LINGO2: variants seen among roughly 807,000 people sequenced by gnomAD.
LINGO2 encodes leucine rich repeat and Ig domain containing 2, also known as leucine-rich repeat and immunoglobulin-like domain-containing nogo receptor-interacting protein 2.
LINGO2 carries 14 observed loss-of-function variants against 30.6 expected under a neutral mutation model. The observed-to-expected ratio is 0.46, with a 90% confidence interval of 0.30 to 0.72. The LOEUF (loss-of-function observed/expected upper bound fraction) is 0.72, where lower values mean the gene tolerates loss of function less well. Ranked by LOEUF, LINGO2 falls within the 30% of genes least tolerant of loss-of-function variation. The pLI, the probability that LINGO2 is intolerant of heterozygous loss-of-function variation, is 0.07. For missense variants in LINGO2, 729 were observed against 751.7 expected, an observed-to-expected ratio of 0.97 and a Z score of 0.35; for synonymous variants, 317 against 288.5, an observed-to-expected ratio of 1.10 and a Z score of -1.00.
intron 5 of LINGO2, among the ~76,000 whole-genome samples, chr9:27,992,383 T>TA (rs781478316): frequency 5.9e-5 from 9 of 152,142 alleles, no homozygotes; most frequent in Non-Finnish European, 1.3e-4. Flanking sequence ...TGTATGCACT[T>TA]ACATAAAATT....
At chr9:28,496,307 AG>A (rs1376797709) in intron 1 of LINGO2, among the ~76,000 whole-genome samples, 1 of 152,100 alleles carries the variant, frequency 6.6e-6, no homozygotes. Context: ...GTCTCTCTGT[AG>A]GTCTCTAAGG....
At chr9:28,941,669 T>C in the LINGO2 span, among the ~76,000 whole-genome samples, 1 of 152,192 alleles carries the variant, frequency 6.6e-6, no homozygotes, top group Admixed American at 6.5e-5. Flanking sequence ...AATGACTATT[T>C]TTACACTCCC....
chr9:28,101,213 C>G (rs918594795), intron 4 of LINGO2, among the ~76,000 whole-genome samples: 2 of 151,958 alleles, frequency 1.3e-5, no homozygotes, highest in African/African-American at 4.8e-5. Context: ...CCACTGCTGG[C>G]CTATTTCTCT....
chr9:27,990,101 A>G (rs1486612251), intron 5 of LINGO2, among the ~76,000 whole-genome samples: 1 of 152,028 alleles, frequency 6.6e-6, no homozygotes, highest in Non-Finnish European at 1.5e-5. Context: ...CCTTCAGCAA[A>G]TAGCACTGCT....
At chr9:28,489,898 A>T (rs1826325959) in intron 1 of LINGO2, among the ~76,000 whole-genome samples, 1 of 85,688 alleles carries the variant, frequency 1.2e-5, no homozygotes, top group South Asian at 3.4e-4. Flanking sequence ...CTTTGTCTCA[A>T]AAAAAAAAAA....
chr9:28,247,322 C>A (rs1270226555), intron 4 of LINGO2, among the ~76,000 whole-genome samples: 1 of 152,106 alleles, frequency 6.6e-6, no homozygotes, highest in Non-Finnish European at 1.5e-5. Flanking sequence ...TAGCACTATT[C>A]ACAACAGCAA....
At chr9:28,709,124 C>A in the LINGO2 span, among the ~76,000 whole-genome samples, 3 of 152,098 alleles carry the variant, frequency 2.0e-5, no homozygotes, top group East Asian at 5.8e-4. Context: ...TCTTTTTATT[C>A]CTGAGAACAT....
At chr9:28,632,029 C>G (rs62548190) in intron 1 of LINGO2, among the ~76,000 whole-genome samples, 3 of 152,014 alleles carry the variant, frequency 2.0e-5, no homozygotes, top group African/African-American at 7.2e-5. Flanking sequence ...AAATAGATGT[C>G]AACATCCAGT....
the LINGO2 span, among the ~76,000 whole-genome samples, chr9:29,072,873 G>C: frequency 6.6e-6 from 1 of 151,612 alleles, no homozygotes; most frequent in African/African-American, 2.4e-5. Context: ...CATTGAAATT[G>C]AAATAGTCAC....
chr9:28,635,765 A>T (rs754007910), intron 1 of LINGO2, among the ~76,000 whole-genome samples: 1 of 152,288 alleles, frequency 6.6e-6, no homozygotes, highest in South Asian at 2.1e-4. Context: ...ATTAGTTTTA[A>T]TATGATCCAA....
the LINGO2 span, among the ~76,000 whole-genome samples, chr9:29,092,357 C>CA: frequency 6.6e-6 from 1 of 151,586 alleles, no homozygotes; most frequent in African/African-American, 2.4e-5. Context: ...CATCGTATCC[C>CA]CAAAAAAGGA....
At position 28,449,987 on chromosome 9, in the gene LINGO2, G is replaced by A. The variant is rs144365498; in HGVS notation, c.-279+25953C>T. Among the ~76,000 whole-genome samples the A allele has an allele frequency of 2.2e-4, 34 of 152,026 alleles. No individual in the cohort carries two copies. The East Asian group carries it at 5.6e-3, about 25-fold the overall frequency. The stretch of plus-strand genomic sequence containing the variant: ...GGAGTGCTAGAATGTTCTTGGATTC[G>A]TAGGCACACCATTCCGCATTACTCA... On this transcript the variant is annotated intron_variant, in intron 2 of 5. Coordinates refer to ENST00000379992, the Ensembl canonical transcript of LINGO2.
At chr9:28,960,192 G>A in the LINGO2 span, among the ~76,000 whole-genome samples, 1 of 152,074 alleles carries the variant, frequency 6.6e-6, no homozygotes. Flanking sequence ...TAGCTCTCAA[G>A]AAAACACCCT....
intron 1 of LINGO2, among the ~76,000 whole-genome samples, chr9:28,616,915 A>G (rs1396015967): frequency 6.6e-6 from 1 of 152,206 alleles, no homozygotes; most frequent in Non-Finnish European, 1.5e-5. Flanking sequence ...ACAACTATAA[A>G]CAGAAACTAG....
intron 1 of LINGO2, among the ~76,000 whole-genome samples, chr9:28,525,852 G>C (rs544340455): frequency 2.6e-5 from 4 of 152,120 alleles, no homozygotes; most frequent in East Asian, 1.9e-4. Flanking sequence ...TCAGGAGATG[G>C]AGACCATCCT....
chr9:29,180,944 A>G, the LINGO2 span, among the ~76,000 whole-genome samples: 1 of 152,244 alleles, frequency 6.6e-6, no homozygotes. Flanking sequence ...TACATTTTGT[A>G]AAATTGGTTG....
chr9:28,392,642 G>A (rs926262857), intron 2 of LINGO2, among the ~76,000 whole-genome samples: 12 of 152,118 alleles, frequency 7.9e-5, no homozygotes, highest in Admixed American at 2.0e-4. Context: ...CTACCCTTCC[G>A]GAGGTCAGTG....
chr9:28,296,735 A>G (rs1031484197), intron 3 of LINGO2, among the ~76,000 whole-genome samples: 7 of 152,212 alleles, frequency 4.6e-5, no homozygotes, highest in African/African-American at 1.7e-4. Context: ...CAATACTGCA[A>G]TTCAAAGCAG....
chr9:28,697,884 A>G, the LINGO2 span, among the ~76,000 whole-genome samples: 2 of 152,080 alleles, frequency 1.3e-5, no homozygotes, highest in African/African-American at 4.8e-5. Flanking sequence ...AGCATACAAC[A>G]TTTTGTCTAG....
Sources: allele counts gnomAD v4.1 joint callset (sites outside exome capture counted in the v4.1 genomes callset), GRCh38; gene constraint gnomAD v4.1.1; transcripts MANE v1.5; gene names NCBI Gene and HGNC (gene_info 2026-07-23, HGNC 2026-07-21).